Variants in BAZ2B observed in about 807,000 individuals in gnomAD.
The protein encoded by BAZ2B is bromodomain adjacent to zinc finger domain 2B, also known as bromodomain adjacent to zinc finger domain protein 2B.
Under a neutral mutation model 246.0 loss-of-function variants are expected in BAZ2B, and 91 were observed. The observed-to-expected ratio is 0.37, with a 90% CI of 0.31 to 0.44. The LOEUF (loss-of-function observed/expected upper bound fraction) is 0.44, where lower values mean the gene tolerates loss of function less well. Ranked by LOEUF, BAZ2B falls within the 20% of genes least tolerant of loss-of-function variation. The pLI, the probability that BAZ2B is intolerant of heterozygous loss-of-function variation, is 1.00. For synonymous variants in BAZ2B, 855 were observed against 860.0 expected, an observed-to-expected ratio of 0.99 and a Z score of 0.10; for missense variants, 2,332 against 2,533.7, an observed-to-expected ratio of 0.92 and a Z score of 1.71.
intron 27 of BAZ2B, among the ~76,000 whole-genome samples, chr2:159,362,963 G>A (rs1163357681): frequency 1.3e-5 from 2 of 152,136 alleles, no homozygotes; most frequent in Non-Finnish European, 2.9e-5. Flanking sequence ...TGTGAGGCAC[G>A]GTGTACAGGA....
intron 9 of BAZ2B, among the ~76,000 whole-genome samples, chr2:159,431,582 G>C (rs1341658693): frequency 2.0e-5 from 3 of 152,148 alleles, no homozygotes; most frequent in Non-Finnish European, 4.4e-5. Context: ...TTGGGCTTTG[G>C]AGTAAAAGAA....
intron 31 of BAZ2B, among the ~76,000 whole-genome samples, chr2:159,345,055 C>A (rs1449896129): frequency 1.3e-5 from 2 of 151,942 alleles, no homozygotes; most frequent in African/African-American, 4.8e-5. Flanking sequence ...ACTAAAAATA[C>A]AGAAATTAGC....
chr2:159,477,696 G>C, intron 3 of BAZ2B, among the ~76,000 whole-genome samples: 1 of 152,258 alleles, frequency 6.6e-6, no homozygotes, highest in East Asian at 1.9e-4. Flanking sequence ...AAATAAATGA[G>C]TTAATTAACT....
chr2:159,654,149 A>C, the BAZ2B span, among the ~76,000 whole-genome samples: 18 of 152,186 alleles, frequency 1.2e-4, no homozygotes, highest in Admixed American at 6.6e-5. Context: ...AACTCTCATT[A>C]CATGTTGTAA....
At chr2:159,584,566 T>C (rs13010734) in intron 1 of BAZ2B, among the ~76,000 whole-genome samples, 9,941 of 152,262 alleles carry the variant, frequency 0.065, 421 homozygotes, top group Middle Eastern at 0.19. Flanking sequence ...TGAAAAGTGG[T>C]GAGAATTCAA....
chr2:159,487,180 T>C (rs1286083176), intron 2 of BAZ2B, among the ~76,000 whole-genome samples: 1 of 152,136 alleles, frequency 6.6e-6, no homozygotes, highest in Non-Finnish European at 1.5e-5. Flanking sequence ...TTGCTAGAAA[T>C]TACCTTTCAA....
chr2:159,353,597 C>A (rs565928153), intron 27 of BAZ2B, among the ~76,000 whole-genome samples: 3 of 152,114 alleles, frequency 2.0e-5, no homozygotes, highest in Non-Finnish European at 4.4e-5. Flanking sequence ...AGGAACCCCT[C>A]GAGTATTTAG....
At chr2:159,574,381 T>C (rs182482359) in intron 1 of BAZ2B, among the ~76,000 whole-genome samples, 12 of 152,092 alleles carry the variant, frequency 7.9e-5, no homozygotes, top group Non-Finnish European at 1.5e-4. Flanking sequence ...CTAATAAGTG[T>C]TTGTAAGGAT....
At chr2:159,320,475 C>A in intron 36 of BAZ2B, 57 bp from the exon 37 acceptor site, 2 of 1,409,218 alleles carry the variant, frequency 1.4e-6, no homozygotes, top group East Asian at 2.6e-5. Flanking sequence ...GTTTTGTAAA[C>A]AAATGAAGAG....
intron 2 of BAZ2B, among the ~76,000 whole-genome samples, chr2:159,499,510 A>C (rs2081490754): frequency 6.6e-6 from 1 of 152,166 alleles, no homozygotes; most frequent in South Asian, 2.1e-4. Flanking sequence ...TTATACTAGA[A>C]TGATTTATAT....
At chr2:159,394,524 A>G (rs1265610561) in intron 20 of BAZ2B, among the ~76,000 whole-genome samples, 2 of 152,212 alleles carry the variant, frequency 1.3e-5, no homozygotes, top group Admixed American at 1.3e-4. Context: ...TGTTGGAGTA[A>G]AACTTCCATA....
chr2:159,374,586 A>T, intron 26 of BAZ2B, 105 bp downstream of exon 26: 1 of 916,452 alleles, frequency 1.1e-6, no homozygotes. Context: ...TTAATTACTC[A>T]CCAAAAGCCT....
Position 159,348,727 on chromosome 2 carries a change from A to G in BAZ2B, c.5244T>C (p.Ile1748=). The change falls in exon 30 of 37, where the codon ATT becomes ATC. Residue 1748 remains isoleucine, a synonymous_variant. Transcript: ENST00000392783. The stretch of plus-strand genomic sequence containing the variant: ...GAGTAATATAATCCAAATGTTTCTG[A>G]ATTTGTTTTTGTAATGCCTTTTCTC... The part of the protein sequence containing the change: ...GIREKALQKQ[I]QKHLDYITQA... The G allele has an allele frequency of 1.2e-6, 2 of 1,612,836 alleles. No homozygotes were observed. The highest frequency in any genetic ancestry group is 1.7e-6 in the Non-Finnish European group (2 of 1,179,708).
At chr2:159,459,132 AT>A (rs2076127834) in intron 3 of BAZ2B, 1 of 152,170 alleles carries the variant, frequency 6.6e-6, no homozygotes, top group Non-Finnish European at 1.5e-5. Flanking sequence ...AGACAGTTAT[AT>A]TTGGGGCCTC....
intron 2 of BAZ2B, among the ~76,000 whole-genome samples, chr2:159,542,514 G>A (rs893706825): frequency 2.0e-5 from 3 of 152,184 alleles, no homozygotes; most frequent in Admixed American, 6.5e-5. Flanking sequence ...GTACATGCCT[G>A]TAGTCCTAGC....
the BAZ2B span, among the ~76,000 whole-genome samples, chr2:159,706,154 T>C: frequency 6.6e-6 from 1 of 151,002 alleles, no homozygotes; most frequent in Admixed American, 6.7e-5. Flanking sequence ...GGTGGGAGGA[T>C]ACACAGTAGT....
intron 2 of BAZ2B, among the ~76,000 whole-genome samples, chr2:159,529,483 G>T (rs1207250275): frequency 6.6e-6 from 1 of 152,022 alleles, no homozygotes; most frequent in African/African-American, 2.4e-5. Flanking sequence ...GTTTTCTTTG[G>T]AACAGTTCTC....
At chr2:159,323,796 T>A (rs1369993739) in intron 36 of BAZ2B, among the ~76,000 whole-genome samples, 2 of 122,220 alleles carry the variant, frequency 1.6e-5, no homozygotes, top group African/African-American at 2.8e-5. Flanking sequence ...AAAGTGAAAC[T>A]CTCTCAAAAA....
intron 25 of BAZ2B, among the ~76,000 whole-genome samples, chr2:159,381,501 A>G (rs956664317): frequency 2.0e-5 from 3 of 152,050 alleles, no homozygotes; most frequent in Non-Finnish European, 4.4e-5. Context: ...TCCATCTTCA[A>G]GTCCTGCCCA....
Sources: gnomAD v4.1 joint callset for allele counts (sites outside exome capture counted in the v4.1 genomes callset) on GRCh38, gnomAD v4.1.1 for gene constraint, MANE v1.5 for transcripts, NCBI Gene and HGNC (gene_info 2026-07-23, HGNC 2026-07-21) for gene names.